MYO16: variants seen among roughly 807,000 people sequenced by gnomAD.
The protein encoded by MYO16 is unconventional myosin-XVI.
In MYO16, 94 loss-of-function variants were observed where a neutral mutation model predicts 205.3. The observed-to-expected ratio is 0.46, with a 90% CI of 0.39 to 0.54. The LOEUF (loss-of-function observed/expected upper bound fraction) is 0.54. Ranked by LOEUF, MYO16 falls within the 20% of genes least tolerant of loss-of-function variation. The pLI is 0.00. For synonymous variants in MYO16, 988 were observed against 954.0 expected (o/e 1.04, Z -0.66); for missense variants, 2,315 against 2,387.5 (o/e 0.97, Z 0.63).
At chr13:108,974,009 T>C (rs1223193764) in intron 20 of MYO16, among the ~76,000 whole-genome samples, 3 of 152,042 alleles carry the variant, frequency 2.0e-5, no homozygotes, top group Non-Finnish European at 4.4e-5. Flanking sequence ...TCTAACCAAA[T>C]GACAGAAAAG....
chr13:108,891,736 A>G (rs995953999), intron 14 of MYO16, among the ~76,000 whole-genome samples: 5 of 152,228 alleles, frequency 3.3e-5, no homozygotes, highest in African/African-American at 1.2e-4. Context: ...ATAATTTTAT[A>G]TTTAAAAGTG....
chr13:108,528,994 T>C, the MYO16 span, among the ~76,000 whole-genome samples: 11 of 151,866 alleles, frequency 7.2e-5, no homozygotes, highest in African/African-American at 1.2e-4. Context: ...ATACTCCTTT[T>C]AACATTCCCT....
chr13:108,845,302 C>T (rs1375605934), intron 10 of MYO16, among the ~76,000 whole-genome samples: 1 of 152,098 alleles, frequency 6.6e-6, no homozygotes, highest in East Asian at 1.9e-4. Flanking sequence ...CAGGTGTATT[C>T]ATCTGCTCAA....
At chr13:108,628,125 A>G (rs1879817980), upstream of MYO16, among the ~76,000 whole-genome samples, 1 of 152,206 alleles carries the variant, frequency 6.6e-6, no homozygotes, top group African/African-American at 2.4e-5. Flanking sequence ...AACATCCAAG[A>G]AACCCTTTAA....
Position 109,127,845 on chromosome 13 carries a change from C to A in MYO16, c.4051+295C>A, listed in dbSNP as rs1876339648. 7.8e-6 allele frequency among the ~76,000 whole-genome samples: 1 copy of A among 128,446 alleles called. No homozygotes were observed. Among genetic ancestry groups the A allele is most frequent in the African/African-American group, 3.2e-5 (1 of 31,696 alleles). The allele number at this position is 128,446 out of a possible 152,430, so 84.3% of individuals were successfully genotyped here. A position where few individuals can be genotyped will look rare whatever the true frequency, so the allele number is the denominator to read the frequency against. The stretch of plus-strand genomic sequence containing the variant: ...TCGGCAGCTATTCCATGTAAAGGTT[C>A]ACCAATGAGAAAGTAAAAAAAAAAA... On this transcript the variant is annotated intron_variant, in intron 31 of 34. Transcript: ENST00000457511. The surrounding 1 kb of genome is among the most constrained non-coding windows in gnomAD (Gnocchi z 4.2).
At chr13:109,029,619 C>T (rs1026890363) in intron 23 of MYO16, among the ~76,000 whole-genome samples, 1 of 152,188 alleles carries the variant, frequency 6.6e-6, no homozygotes, top group Admixed American at 6.5e-5. Flanking sequence ...ACAATCAAAT[C>T]AGTCTGGTCT....
At chr13:109,121,384 G>A (rs1352912870) in intron 29 of MYO16, among the ~76,000 whole-genome samples, 1 of 152,172 alleles carries the variant, frequency 6.6e-6, no homozygotes, top group Non-Finnish European at 1.5e-5. Context: ...GATGACACAG[G>A]TGTACTATGG....
chr13:108,659,119 T>C (rs1881377376), intron 1 of MYO16, among the ~76,000 whole-genome samples: 1 of 151,030 alleles, frequency 6.6e-6, no homozygotes, highest in African/African-American at 2.4e-5. Context: ...TAGTTAGTTA[T>C]AACATAATGT....
At chr13:109,201,997 C>CA (rs1880414066) in intron 34 of MYO16, among the ~76,000 whole-genome samples, 1 of 151,742 alleles carries the variant, frequency 6.6e-6, no homozygotes, top group Admixed American at 6.6e-5. Context: ...CATCATATAT[C>CA]TATACATCAT....
chr13:108,636,848 A>C (rs1880275756), intron 1 of MYO16, among the ~76,000 whole-genome samples: 1 of 152,188 alleles, frequency 6.6e-6, no homozygotes, highest in Admixed American at 6.5e-5. Flanking sequence ...TCTTTATGAC[A>C]CTGTATCTCT....
At chr13:109,088,152 G>A (rs146534808) in intron 27 of MYO16, among the ~76,000 whole-genome samples, 29 of 152,298 alleles carry the variant, frequency 1.9e-4, no homozygotes, top group Admixed American at 3.3e-4. Flanking sequence ...TCTCCAAGAG[G>A]GCACAGTTTT....
the MYO16 span, among the ~76,000 whole-genome samples, chr13:108,569,216 A>G: frequency 1.3e-5 from 2 of 152,090 alleles, no homozygotes; most frequent in East Asian, 3.9e-4. Flanking sequence ...TGGAATTTTG[A>G]TAGGGTTTGT....
At position 108,745,296 on chromosome 13, in the gene MYO16, C is replaced by G. The variant is rs556814492; in HGVS notation, c.507+17713C>G. 2.6e-5 allele frequency among the ~76,000 whole-genome samples: 4 copies of G among 152,266 alleles called. No individual in the cohort carries two copies. The South Asian group carries it at 8.3e-4, about 32-fold the overall frequency. Reference sequence around the variant, plus strand: ...CAGACTAGTATGGAGTGAGGAAACCCTGGGGGCCACAGTCTTAGGGGGCCC... The same window carrying G: ...CAGACTAGTATGGAGTGAGGAAACCGTGGGGGCCACAGTCTTAGGGGGCCC... On this transcript the variant is annotated intron_variant, in intron 4 of 34. Transcript: ENST00000457511.
chr13:108,578,624 C>T, the MYO16 span, among the ~76,000 whole-genome samples: 3 of 152,218 alleles, frequency 2.0e-5, no homozygotes, highest in Non-Finnish European at 4.4e-5. Context: ...TCCCTCCTTG[C>T]CTCATCTTCC....
the MYO16 span, among the ~76,000 whole-genome samples, chr13:108,525,941 A>T: frequency 2.7e-5 from 4 of 145,594 alleles, no homozygotes; most frequent in Admixed American, 6.9e-5. Flanking sequence ...CCTAGGTCTG[A>T]TTTTTTTTTT....
In MYO16 at chr13:108,844,472, C is replaced by T. The variant is rs749323237; in HGVS notation, c.1227C>T (p.Ser409=). ...GCATCCCTGAAAACCCCATGATGAGCGGTTCCACCAAACCCGAGCAGGTAA... is the reference window on the plus strand; with the variant it reads ...GCATCCCTGAAAACCCCATGATGAGTGGTTCCACCAAACCCGAGCAGGTAA... ...QDSIPENPMM[S]GSTKPEQVKL... The change falls in exon 10 of 35, where the codon AGC becomes AGT. Residue 409 remains serine, a synonymous_variant. Transcript: ENST00000457511. 32 of 1,609,904 alleles carry T rather than the reference C, an allele frequency of 2.0e-5. No individual in the cohort carries two copies. The highest frequency in any genetic ancestry group is 1.7e-4 in the Middle Eastern group (1 of 6,054).
At chr13:109,054,753 G>A (rs990056900) in intron 25 of MYO16, among the ~76,000 whole-genome samples, 6 of 152,084 alleles carry the variant, frequency 3.9e-5, no homozygotes, top group Non-Finnish European at 7.4e-5. Flanking sequence ...TGATTTGTAC[G>A]AACTGTGTTT....
chr13:108,680,146 G>A (rs1882402025), intron 2 of MYO16, among the ~76,000 whole-genome samples: 1 of 152,154 alleles, frequency 6.6e-6, no homozygotes, highest in Non-Finnish European at 1.5e-5. Flanking sequence ...GTCACAGAGT[G>A]TATCAGGGCA....
chr13:108,718,455 C>A (rs544647654), intron 3 of MYO16, among the ~76,000 whole-genome samples: 33 of 151,708 alleles, frequency 2.2e-4, no homozygotes, highest in African/African-American at 7.9e-4. Context: ...CACTCCACAT[C>A]CTCCAAGGAC....
Sources: gnomAD v4.1 joint callset for allele counts (sites outside exome capture counted in the v4.1 genomes callset) on GRCh38, gnomAD v4.1.1 for gene constraint, Gnocchi (gnomAD v3.1) non-coding constraint, MANE v1.5 for transcripts, NCBI Gene and HGNC (gene_info 2026-07-23, HGNC 2026-07-21) for gene names.